Variants in CORIN observed in about 807,000 individuals in gnomAD.
CORIN encodes the protein corin, serine peptidase, also known as atrial natriuretic peptide-converting enzyme.
In CORIN, 117 loss-of-function variants were observed where a neutral mutation model predicts 125.3. The observed-to-expected ratio is 0.93, with a 90% CI of 0.80 to 1.09. CORIN has a LOEUF of 1.09. Ranked by LOEUF, CORIN falls within the 50% of genes least tolerant of loss-of-function variation. The probability of loss-of-function intolerance (pLI) is 0.00; values close to 1 mark genes in which losing one functional copy is unlikely to be tolerated. For synonymous variants in CORIN, 450 were observed against 466.4 expected, an observed-to-expected ratio of 0.96 and a Z score of 0.45; for missense variants, 1,253 against 1,306.7, an observed-to-expected ratio of 0.96 and a Z score of 0.63.
intron 12 of CORIN, among the ~76,000 whole-genome samples, chr4:47,656,055 A>G (rs1723964117): frequency 1.3e-5 from 2 of 152,086 alleles, no homozygotes. Flanking sequence ...CTACACACCA[A>G]TTTCCTTGAT....
In CORIN at chr4:47,770,357, G is replaced by GA. The variant is rs1016633580; in HGVS notation, c.410-6772dup. 3.9e-5 allele frequency among the ~76,000 whole-genome samples: 6 copies of GA among 151,968 alleles called. 1 individual carries two copies. The highest frequency in any genetic ancestry group is 1.4e-4 in the African/African-American group (6 of 41,388). ...ATTACTAAAACAAAAATTAAAAAATGAAAAAACAGAAAATAACAAGTGCTG... is the reference window on the plus strand; with the variant it reads ...ATTACTAAAACAAAAATTAAAAAATGAAAAAAACAGAAAATAACAAGTGCTG... On this transcript the variant is annotated intron_variant, in intron 3 of 21. Transcript: ENST00000273857.
At chr4:47,636,640 G>A (rs931754734) in intron 16 of CORIN, among the ~76,000 whole-genome samples, 1 of 152,146 alleles carries the variant, frequency 6.6e-6, no homozygotes, top group African/African-American at 2.4e-5. Context: ...TTTAAAAATG[G>A]GAGTTTCCCT....
At chr4:47,714,456 G>A (rs1355879311) in intron 5 of CORIN, among the ~76,000 whole-genome samples, 1 of 152,194 alleles carries the variant, frequency 6.6e-6, no homozygotes, top group African/African-American at 2.4e-5. Flanking sequence ...GGAAACCAAT[G>A]CTGGAGAGTA....
In CORIN at chr4:47,615,680, G is replaced by A. The variant is rs149020071; in HGVS notation, c.2540+7891C>T. 1.3e-3 allele frequency among the ~76,000 whole-genome samples: 200 copies of A among 152,236 alleles called. 1 individual carries two copies. Among genetic ancestry groups the A allele is most frequent in the Non-Finnish European group, 1.9e-3 (130 of 68,016 alleles). On this transcript the variant is annotated intron_variant, in intron 19 of 21. Coordinates refer to ENST00000273857, the MANE Select transcript of CORIN (RefSeq NM_006587.4). Reference sequence around the variant, plus strand: ...TACCAAAAATTGCCAGGAAACCACCGGGATCTAGGCAACAGGCATTCTCTC... The same window carrying A: ...TACCAAAAATTGCCAGGAAACCACCAGGATCTAGGCAACAGGCATTCTCTC...
intron 1 of CORIN, among the ~76,000 whole-genome samples, chr4:47,828,715 G>A (rs989277526): frequency 1.3e-5 from 2 of 152,078 alleles, no homozygotes; most frequent in African/African-American, 2.4e-5. Context: ...TTTATTCCAG[G>A]GGTCATTGTT....
intron 2 of CORIN, chr4:47,790,222 T>C (rs1202674726): frequency 1.0e-6 from 1 of 984,956 alleles, no homozygotes; most frequent in Non-Finnish European, 1.2e-6. Flanking sequence ...ATAAAATACC[T>C]CTTCATGGGG....
chr4:47,708,771 C>T (rs1001282596), intron 5 of CORIN, among the ~76,000 whole-genome samples: 7 of 152,126 alleles, frequency 4.6e-5, no homozygotes, highest in Non-Finnish European at 8.8e-5. Flanking sequence ...AAATCTTTGG[C>T]TCTGGTCTTA....
chr4:47,600,391 A>C (rs1252252039), intron 20 of CORIN, 44 bp from the exon 21 acceptor site: 1 of 1,467,872 alleles, frequency 6.8e-7, no homozygotes, highest in Non-Finnish European at 9.2e-7. Flanking sequence ...TGATAAAATG[A>C]CTCAAAAGTG....
Position 47,837,994 on chromosome 4 carries a change from C to A in CORIN, c.-45G>T. ...TTCTTCTGTCCACTTTTATCTTGGT[C>A]GCTTTTCTCTCCTCTACGTGTCCCC... is the stretch of plus-strand genomic sequence containing the variant. On this transcript the variant is annotated 5_prime_UTR_variant, in exon 1 of 22. Coordinates refer to ENST00000273857, the MANE Select transcript of CORIN (RefSeq NM_006587.4). 6.2e-7 allele frequency: 1 copy of A among 1,605,198 alleles called. No individual in the cohort carries two copies. Among genetic ancestry groups the A allele is most frequent in the South Asian group, 1.1e-5 (1 of 90,992 alleles).
chr4:47,736,705 G>T (rs1384551934), intron 5 of CORIN, among the ~76,000 whole-genome samples: 1 of 152,074 alleles, frequency 6.6e-6, no homozygotes, highest in Non-Finnish European at 1.5e-5. Context: ...TTATCATTTA[G>T]CTAAGTGAGA....
chr4:47,793,155 C>A (rs1307259361), intron 2 of CORIN, among the ~76,000 whole-genome samples: 3 of 152,126 alleles, frequency 2.0e-5, no homozygotes, highest in African/African-American at 7.2e-5. Context: ...CAGACTCCCC[C>A]ACAATGCTGT....
chr4:47,808,102 T>C (rs1259214268), intron 1 of CORIN, among the ~76,000 whole-genome samples: 1 of 152,102 alleles, frequency 6.6e-6, no homozygotes, highest in Non-Finnish European at 1.5e-5. Context: ...ACGAACCTTC[T>C]CTCTCTCTAT....
intron 15 of CORIN, 39 bp downstream of exon 15, chr4:47,643,107 A>C (rs747273895): frequency 1.9e-6 from 3 of 1,613,854 alleles, no homozygotes; most frequent in Non-Finnish European, 2.5e-6. Flanking sequence ...GCTGACAGGC[A>C]TGAGAGAGTA....
chr4:47,759,173 T>A (rs1476430857), intron 4 of CORIN, among the ~76,000 whole-genome samples: 3 of 152,154 alleles, frequency 2.0e-5, no homozygotes, highest in South Asian at 2.1e-4. Context: ...CCTATCAACA[T>A]GCAGAAGAAT....
intron 9 of CORIN, among the ~76,000 whole-genome samples, chr4:47,676,290 A>C (rs1226173579): frequency 2.0e-5 from 3 of 152,064 alleles, no homozygotes; most frequent in Admixed American, 2.0e-4. Context: ...GTCCTCCTAC[A>C]CATGCCTTGC....
At chr4:47,809,357 T>G (rs1256660201) in intron 1 of CORIN, among the ~76,000 whole-genome samples, 1 of 151,782 alleles carries the variant, frequency 6.6e-6, no homozygotes, top group African/African-American at 2.4e-5. Context: ...TATTCATGAT[T>G]AGACCAAATA....
Position 47,642,568 on chromosome 4 carries a change from G to A in CORIN, c.2069-519C>T, listed in dbSNP as rs1723276918. 2.0e-5 allele frequency among the ~76,000 whole-genome samples: 3 copies of A among 152,350 alleles called. No individual in the cohort carries two copies. The South Asian group carries it at 6.2e-4, about 32-fold the overall frequency. ...GCACAATTGATCACAACACACATGA[G>A]AATCATGATTTGGCTGGATGATGCA... On this transcript the variant is annotated intron_variant, in intron 15 of 21. Coordinates refer to ENST00000273857, the MANE Select transcript of CORIN (RefSeq NM_006587.4).
intron 3 of CORIN, among the ~76,000 whole-genome samples, chr4:47,779,470 T>C (rs1010622606): frequency 5.9e-5 from 9 of 151,778 alleles, no homozygotes; most frequent in African/African-American, 2.2e-4. Flanking sequence ...GGAGTTTTGC[T>C]GTTTCACCCA....
chr4:47,665,582 C>A (rs576389368), intron 10 of CORIN, among the ~76,000 whole-genome samples: 1 of 152,188 alleles, frequency 6.6e-6, no homozygotes, highest in South Asian at 2.1e-4. Flanking sequence ...TTATTGACTC[C>A]AATTCATCTT....
Sources: allele counts gnomAD v4.1 joint callset (sites outside exome capture counted in the v4.1 genomes callset), GRCh38; gene constraint gnomAD v4.1.1; transcripts MANE v1.5; gene names NCBI Gene and HGNC (gene_info 2026-07-23, HGNC 2026-07-21).